The following EED variants were observed in gnomAD, a reference collection of about 807,000 sequenced individuals.
The protein encoded by EED is polycomb protein EED.
EED carries 9 observed loss-of-function variants against 61.0 expected under a neutral mutation model. That is an observed-to-expected ratio of 0.15 (90% CI 0.09 to 0.26). The LOEUF (loss-of-function observed/expected upper bound fraction) is 0.26, where lower values mean the gene tolerates loss of function less well. Ranked by LOEUF, EED falls within the 10% of genes least tolerant of loss-of-function variation. The probability of loss-of-function intolerance (pLI) is 1.00; values close to 1 mark genes in which losing one functional copy is unlikely to be tolerated. For missense variants in EED, 315 were observed against 542.3 expected (o/e 0.58, Z 4.16); for synonymous variants, 187 against 174.4 (o/e 1.07, Z -0.57).
intron 1 of EED, among the ~76,000 whole-genome samples, chr11:86,249,381 GAAAA>G (rs34097493): frequency 8.0e-6 from 1 of 125,596 alleles, no homozygotes; most frequent in Admixed American, 8.1e-5. Flanking sequence ...GCATTTCATG[GAAAA>G]AAAAAAAAAA....
chr11:86,281,788 C>T, downstream of EED, among the ~76,000 whole-genome samples: 1 of 152,192 alleles, frequency 6.6e-6, no homozygotes, highest in East Asian at 1.9e-4. Context: ...TCCCAAGTAG[C>T]TACGACTGTA....
At chr11:86,247,260 G>T (rs533608905) in intron 1 of EED, among the ~76,000 whole-genome samples, 3 of 152,158 alleles carry the variant, frequency 2.0e-5, no homozygotes, top group Non-Finnish European at 4.4e-5. Context: ...GTGTGCGTGC[G>T]CATGCCTTGG....
At chr11:86,247,219 T>A (rs1381868387) in intron 1 of EED, among the ~76,000 whole-genome samples, 1 of 152,208 alleles carries the variant, frequency 6.6e-6, no homozygotes, top group Non-Finnish European at 1.5e-5. Flanking sequence ...TTTGTTTTGG[T>A]TCCTCCATTT....
intron 9 of EED, among the ~76,000 whole-genome samples, chr11:86,273,667 C>T (rs567557644): frequency 1.3e-5 from 2 of 152,264 alleles, no homozygotes; most frequent in African/African-American, 4.8e-5. Flanking sequence ...TGTATTCACT[C>T]GATATAGGAT....
intron 6 of EED, among the ~76,000 whole-genome samples, chr11:86,258,210 A>G (rs1366044551): frequency 1.3e-5 from 2 of 152,226 alleles, no homozygotes; most frequent in African/African-American, 2.4e-5. Flanking sequence ...ATCCCAGGCT[A>G]TGTTAGCATA....
intron 7 of EED, 111 bp from the exon 8 acceptor site, chr11:86,265,972 T>A: frequency 1.1e-6 from 1 of 908,252 alleles, no homozygotes; most frequent in Non-Finnish European, 1.6e-6. Context: ...CAAAATGTAG[T>A]TTGTATTGTG....
At chr11:86,252,856 C>T (rs551624255) in intron 3 of EED, among the ~76,000 whole-genome samples, 3 of 152,206 alleles carry the variant, frequency 2.0e-5, no homozygotes, top group East Asian at 3.9e-4. Flanking sequence ...ACTTCTGGGG[C>T]TCAGGTGATC....
Position 86,245,193 on chromosome 11 carries a change from C to A in EED, c.-37C>A, listed in dbSNP as rs746656852. The A allele has an allele frequency of 1.3e-6, 2 of 1,579,510 alleles. No individual in the cohort carries two copies. The highest frequency in any genetic ancestry group is 3.4e-5 in the Admixed American group (2 of 57,984). ...TGACGGCGGTGTGGCGGAGGCCCCGCCCCAGGCGGCAGGAACCTGGAGGGA... is the reference window on the plus strand; with the variant it reads ...TGACGGCGGTGTGGCGGAGGCCCCGACCCAGGCGGCAGGAACCTGGAGGGA... On this transcript the variant is annotated 5_prime_UTR_variant, in exon 1 of 12. Transcript: ENST00000263360.
chr11:86,287,588 G>A, the EED span, among the ~76,000 whole-genome samples: 3 of 152,132 alleles, frequency 2.0e-5, no homozygotes, highest in East Asian at 1.9e-4. Flanking sequence ...GTTTAATTCC[G>A]AAACCAATAA....
chr11:86,252,975 T>G (rs1945572974), intron 3 of EED, among the ~76,000 whole-genome samples: 1 of 152,150 alleles, frequency 6.6e-6, no homozygotes, highest in Non-Finnish European at 1.5e-5. Context: ...CTTGAACTCT[T>G]GGGCTCAAGC....
chr11:86,274,157 T>C (rs116072066), intron 9 of EED, among the ~76,000 whole-genome samples: 35 of 151,840 alleles, frequency 2.3e-4, no homozygotes, highest in African/African-American at 7.3e-4. Flanking sequence ...TTAAATTTAC[T>C]GACTCTTGAC....
chr11:86,252,271 G>T lies in EED; in HGVS notation c.360+31G>T, dbSNP rs1945551668. 3 of 1,473,876 alleles carry T rather than the reference G, an allele frequency of 2.0e-6. No individual in the cohort carries two copies. In the African/African-American group the frequency reaches 4.2e-5, roughly 20 times the overall value. The allele number at this position is 1,473,876 out of a possible 1,614,324, so 91.3% of individuals were successfully genotyped here. On this transcript the variant is annotated intron_variant, in intron 3 of 11. Transcript: ENST00000263360. ...TGTTAAGGGGTCTATTTAGTATTTG[G>T]CTTGATTTCCAGATCTGGTGTTAAT...
rs368933466 is a variant in EED, at chr11:86,262,592, C to T, written c.635-1580C>T. ...GACGATTCAGCATGAAGGCCCTCAC[C>T]GGATGCCGGCACCATGCCAGTGATC... is the stretch of plus-strand genomic sequence containing the variant. On this transcript the variant is annotated intron_variant, in intron 6 of 11. Transcript: ENST00000263360. Among the ~76,000 whole-genome samples the T allele has an allele frequency of 3.2e-4, 49 of 152,196 alleles. No individual in the cohort carries two copies. The South Asian group carries it at 9.8e-3, about 30-fold the overall frequency.
rs919112787 is a variant in EED, at chr11:86,264,202, C to T, written c.665C>T (p.Thr222Met). The part of the protein sequence containing the change: ...DHALRLWNIQ[T>M]DTLVAIFGGV... Reference sequence around the variant, plus strand: ...GCTTTACGATTATGGAATATCCAGACGGACACTCTGGTGGCAATATTTGGA... The same window carrying T: ...GCTTTACGATTATGGAATATCCAGATGGACACTCTGGTGGCAATATTTGGA... The change falls in exon 7 of 12, where the codon ACG (threonine) becomes ATG (methionine). Residue 222 changes from threonine (T) to methionine (M), a missense_variant. By Grantham distance (81) the Thr-to-Met change is moderately conservative. This residue lies in a region of EED where 205 missense variants were observed against 455.4 expected (regional missense o/e 0.45). Coordinates refer to ENST00000263360, the MANE Select transcript of EED (RefSeq NM_003797.5). The T allele has an allele frequency of 1.2e-6, 2 of 1,613,764 alleles. No individual in the cohort carries two copies. The highest frequency in any genetic ancestry group is 1.6e-4 in the Middle Eastern group (1 of 6,062).
At chr11:86,256,140 C>A (rs1945666903) in intron 4 of EED, among the ~76,000 whole-genome samples, 1 of 152,154 alleles carries the variant, frequency 6.6e-6, no homozygotes, top group Non-Finnish European at 1.5e-5. Flanking sequence ...GGTACTGCAA[C>A]TACAGAGTTG....
intron 6 of EED, among the ~76,000 whole-genome samples, chr11:86,263,527 C>G (rs1323084695): frequency 6.6e-6 from 1 of 152,192 alleles, no homozygotes; most frequent in Non-Finnish European, 1.5e-5. Flanking sequence ...AATTTCTTTT[C>G]TATTGCTCAG....
the EED span, chr11:86,284,691 A>G: frequency 1.3e-5 from 2 of 152,266 alleles, no homozygotes; most frequent in Admixed American, 6.5e-5. Context: ...CATGAAGCCT[A>G]TGTCCAGCTT....
At chr11:86,245,716 A>G (rs1223008136) in intron 1 of EED, among the ~76,000 whole-genome samples, 1 of 152,166 alleles carries the variant, frequency 6.6e-6, no homozygotes, top group Non-Finnish European at 1.5e-5. Flanking sequence ...AGGACGGGGC[A>G]GAGTTAGGGA....
intron 3 of EED, 91 bp from the exon 4 acceptor site, chr11:86,255,131 G>A: frequency 1.0e-6 from 1 of 994,616 alleles, no homozygotes; most frequent in Non-Finnish European, 1.5e-6. Flanking sequence ...GTATATTTAA[G>A]ATAGGATTGC....
Sources: gnomAD v4.1 joint callset for allele counts (sites outside exome capture counted in the v4.1 genomes callset) on GRCh38, gnomAD v4.1.1 for gene constraint, gnomAD v4.1.1 regional missense constraint, MANE v1.5 for transcripts, NCBI Gene and HGNC (gene_info 2026-07-23, HGNC 2026-07-21) for gene names.